UNC79: variants seen among roughly 807,000 people sequenced by gnomAD.
UNC79 encodes protein unc-79 homolog.
UNC79 carries 37 observed loss-of-function variants against 283.1 expected under a neutral mutation model. The observed-to-expected ratio is 0.13, with a 90% CI of 0.10 to 0.17. UNC79 has a LOEUF of 0.17. UNC79 is among the 10% of genes least tolerant of loss of function. UNC79 has a pLI of 1.00. For synonymous variants in UNC79, 1,107 were observed against 1,200.2 expected (o/e 0.92, Z 1.61); for missense variants, 2,272 against 3,211.1 (o/e 0.71, Z 7.07).
intron 20 of UNC79, among the ~76,000 whole-genome samples, chr14:93,585,706 A>G (rs1225657370): frequency 3.9e-5 from 6 of 152,116 alleles, no homozygotes; most frequent in Non-Finnish European, 8.8e-5. Flanking sequence ...TGTATAATAC[A>G]TTGATGCCCC....
At chr14:93,640,305 CTT>C (rs1247093694) in intron 32 of UNC79, among the ~76,000 whole-genome samples, 2 of 152,292 alleles carry the variant, frequency 1.3e-5, no homozygotes, top group African/African-American at 4.8e-5. Context: ...TTCAAAAAAA[CTT>C]GATATCACAT....
At chr14:93,411,023 G>C (rs2055325391) in intron 1 of UNC79, among the ~76,000 whole-genome samples, 1 of 152,148 alleles carries the variant, frequency 6.6e-6, no homozygotes, top group African/African-American at 2.4e-5. Context: ...CCCAGTTCAA[G>C]GTCTTGACTC....
At chr14:93,600,574 A>G (rs989874730) in exon 25 of UNC79, 3 of 1,606,798 alleles carry the variant, frequency 1.9e-6, no homozygotes, top group Non-Finnish European at 2.5e-6. Context: ...CCCAGGGTCT[A>G]TGTCTTTGTC....
intron 1 of UNC79, among the ~76,000 whole-genome samples, chr14:93,358,463 G>A (rs1566890692): frequency 6.6e-6 from 1 of 152,280 alleles, no homozygotes; most frequent in Admixed American, 6.5e-5. Flanking sequence ...AGAAAGAGCT[G>A]AAATTGTAGA....
chr14:93,695,963 T>C (rs767522282), intron 47 of UNC79, among the ~76,000 whole-genome samples: 30 of 149,090 alleles, frequency 2.0e-4, no homozygotes, highest in Non-Finnish European at 4.4e-4. Flanking sequence ...AATCCTTCAG[T>C]TGGGTTACTC....
intron 27 of UNC79, among the ~76,000 whole-genome samples, chr14:93,616,890 A>G (rs1566784673): frequency 6.6e-6 from 1 of 152,338 alleles, no homozygotes; most frequent in Non-Finnish European, 1.5e-5. Context: ...ACTGAAACAA[A>G]TAATTAATTA....
At chr14:93,344,789 G>T (rs2139889815) in intron 1 of UNC79, among the ~76,000 whole-genome samples, 1 of 152,350 alleles carries the variant, frequency 6.6e-6, no homozygotes, top group South Asian at 2.1e-4. Flanking sequence ...GACTGGGCAG[G>T]ATGAGCCAAG....
At chr14:93,454,275 G>C (rs1361664291) in intron 1 of UNC79, among the ~76,000 whole-genome samples, 1 of 152,104 alleles carries the variant, frequency 6.6e-6, no homozygotes, top group Non-Finnish European at 1.5e-5. Context: ...GAACTCCTGA[G>C]CTCAAGCAAT....
chr14:93,498,006 G>A (rs983105829), intron 7 of UNC79, among the ~76,000 whole-genome samples: 21 of 151,170 alleles, frequency 1.4e-4, no homozygotes, highest in African/African-American at 4.6e-4. Flanking sequence ...AAGTGACCCC[G>A]ATAGGCTGGG....
At chr14:93,466,337 A>G (rs1037346225) in intron 1 of UNC79, among the ~76,000 whole-genome samples, 10 of 152,254 alleles carry the variant, frequency 6.6e-5, no homozygotes, top group Admixed American at 2.6e-4. Flanking sequence ...ATGTCAAGCA[A>G]TGGACGTTCA....
Position 93,523,965 on chromosome 14 carries a change from CT to C in UNC79, c.899-10del, listed in dbSNP as rs771178191. The C allele has an allele frequency of 1.2e-6, 2 of 1,613,502 alleles. No individual in the cohort carries two copies. Among genetic ancestry groups the C allele is most frequent in the Non-Finnish European group, 8.5e-7 (1 of 1,179,514 alleles). On this transcript the variant is annotated splice_polypyrimidine_tract_variant and intron_variant, in intron 7 of 48. Coordinates refer to ENST00000555664, the Ensembl canonical transcript of UNC79. Reference sequence around the variant, plus strand: ...CAATGAGAAGTATTCATCAGCTGTGCTTTACTTTACAGCTTGGAATCCCATC... The same window carrying C: ...CAATGAGAAGTATTCATCAGCTGTGCTTACTTTACAGCTTGGAATCCCATC...
rs2054131691 is a variant in UNC79, at chr14:93,357,811, A to ATATATATGGATATATGGATATG, written c.-351+24295_-351+24296insGGATATATGGATATGTATATAT. ...GATATATATATATGGATATATGGAT[A>ATATATATGGATATATGGATATG]TATATATATGGATATATGGATATGT... is the stretch of plus-strand genomic sequence containing the variant. On this transcript the variant is annotated intron_variant, in intron 1 of 49. Transcript: ENST00000256339. Among the ~76,000 whole-genome samples, 9 of 70,638 alleles carry ATATATATGGATATATGGATATG rather than the reference A, an allele frequency of 1.3e-4. 1 individual carries two copies. The East Asian group carries it at 2.2e-3, about 18-fold the overall frequency. The allele number at this position is 70,638 out of a possible 152,430, so 46.3% of individuals were successfully genotyped here. A position where few individuals can be genotyped will look rare whatever the true frequency, so the allele number is the denominator to read the frequency against.
chr14:93,418,536 A>G (rs1177631723), intron 1 of UNC79, among the ~76,000 whole-genome samples: 4 of 151,752 alleles, frequency 2.6e-5, no homozygotes, highest in African/African-American at 7.2e-5. Flanking sequence ...TGGGAGAACC[A>G]CTGCTCTCTT....
At chr14:93,441,608 C>T (rs930094849) in intron 1 of UNC79, among the ~76,000 whole-genome samples, 5 of 151,890 alleles carry the variant, frequency 3.3e-5, no homozygotes, top group East Asian at 1.9e-4. Flanking sequence ...CTAACTAGTT[C>T]CCTACATTGA....
chr14:93,542,451 T>C lies in UNC79; in HGVS notation c.1525-15T>C, dbSNP rs368445089. On this transcript the variant is annotated splice_polypyrimidine_tract_variant and intron_variant, in intron 13 of 48. Transcript: ENST00000555664. ...GGATGGAAGCCGAACAAGGTTCTAATCTACCTACTTCTAGGTGAGCCTCTG... is the reference window on the plus strand; with the variant it reads ...GGATGGAAGCCGAACAAGGTTCTAACCTACCTACTTCTAGGTGAGCCTCTG... 34 of 1,607,478 alleles carry C rather than the reference T, an allele frequency of 2.1e-5. No homozygotes were observed. The highest frequency in any genetic ancestry group is 2.8e-5 in the Non-Finnish European group (33 of 1,175,850).
chr14:93,369,401 C>G (rs2054398700), intron 1 of UNC79, among the ~76,000 whole-genome samples: 1 of 152,288 alleles, frequency 6.6e-6, no homozygotes, highest in South Asian at 2.1e-4. Flanking sequence ...ATTTTAACAA[C>G]AAGTAAAAAG....
chr14:93,703,914 A>C (rs2075700804), intron 47 of UNC79, among the ~76,000 whole-genome samples: 1 of 152,212 alleles, frequency 6.6e-6, no homozygotes, highest in South Asian at 2.1e-4. Context: ...ATATTTACTT[A>C]GATTTTAAAG....
chr14:93,660,520 C>CATATATATATATATAT (rs57703735), intron 39 of UNC79, among the ~76,000 whole-genome samples: 19 of 48,712 alleles, frequency 3.9e-4, no homozygotes, highest in East Asian at 1.8e-3. Flanking sequence ...AAGACAATAG[C>CATATATATATATATAT]ATATATATAT....
intron 1 of UNC79, among the ~76,000 whole-genome samples, chr14:93,381,006 A>G (rs2054654404): frequency 6.6e-6 from 1 of 152,192 alleles, no homozygotes; most frequent in Non-Finnish European, 1.5e-5. Context: ...AACAAAACGG[A>G]TGTGTCCCAT....
Sources: allele counts gnomAD v4.1 joint callset (sites outside exome capture counted in the v4.1 genomes callset), GRCh38; gene constraint gnomAD v4.1.1; transcripts MANE v1.5; gene names NCBI Gene and HGNC (gene_info 2026-07-23, HGNC 2026-07-21).